The following CA7 variants were observed in gnomAD, a reference collection of about 807,000 sequenced individuals.
CA7 encodes carbonic anhydrase 7.
A neutral mutation model predicts 31.4 loss-of-function variants in CA7; 13 were observed. That is an observed-to-expected ratio of 0.41 (90% CI 0.27 to 0.66). CA7 has a LOEUF of 0.66. CA7 is among the 30% of genes least tolerant of loss of function. The probability of loss-of-function intolerance (pLI) is 0.28; values close to 1 mark genes in which losing one functional copy is unlikely to be tolerated. For synonymous variants in CA7, 128 were observed against 133.2 expected, an observed-to-expected ratio of 0.96 and a Z score of 0.27; for missense variants, 215 against 351.0, an observed-to-expected ratio of 0.61 and a Z score of 3.10.
At chr16:66,847,252 G>A (rs1380693941) in intron 2 of CA7, 25 bp downstream of exon 2, 1 of 1,610,100 alleles carries the variant, frequency 6.2e-7, no homozygotes, top group African/African-American at 1.3e-5. Context: ...CCAAAGCCTG[G>A]CACCTGGCCC....
chr16:66,844,870 C>T lies in CA7; in HGVS notation c.40+343C>T, dbSNP rs1006799561. ...GGCGTGCGCAGCGCGTGGGGGTGGC[C>T]CAGGGCAGCGGGGGGCGGGCGCCGC... On this transcript the variant is annotated intron_variant, in intron 1 of 6. Coordinates refer to ENST00000338437, the MANE Select transcript of CA7 (RefSeq NM_005182.3). The T allele has an allele frequency of 4.7e-6, 5 of 1,066,838 alleles. No homozygotes were observed. In the African/African-American group the frequency reaches 6.6e-5, roughly 14 times the overall value. The allele number at this position is 1,066,838 out of a possible 1,614,324, so 66.1% of individuals were successfully genotyped here. A position where few individuals can be genotyped will look rare whatever the true frequency, so the allele number is the denominator to read the frequency against.
Position 66,853,628 on chromosome 16 carries a change from T to C in CA7, c.*130T>C. 1 of 1,259,624 alleles carries C rather than the reference T, an allele frequency of 7.9e-7. No individual in the cohort carries two copies. Among genetic ancestry groups the C allele is most frequent in the South Asian group, 1.4e-5 (1 of 70,530 alleles). 78.0% of individuals were successfully genotyped at this position (1,259,624 alleles called of 1,614,324 possible). ...ACCCTCCTTCAGCCAGTTTGCTCCT[T>C]GGTCACCCTGGAGGCTTCTGGATGG... is the stretch of plus-strand genomic sequence containing the variant. On this transcript the variant is annotated 3_prime_UTR_variant, in exon 7 of 7. Coordinates refer to ENST00000338437, the MANE Select transcript of CA7 (RefSeq NM_005182.3). This position sits in a 1 kb window ranked among gnomAD's most constrained non-coding sequence, Gnocchi z 4.5.
Position 66,853,339 on chromosome 16 carries a change from C to G in CA7, c.673-37C>G. On this transcript the variant is annotated intron_variant, in intron 6 of 6. Transcript: ENST00000338437. This position sits in a 1 kb window ranked among gnomAD's most constrained non-coding sequence, Gnocchi z 4.5. ...TGGGGTCATAGAGGACCACAGCACC[C>G]CCAATCTGCCCTGAGCATTCCTTCT... 1 of 1,613,454 alleles carries G rather than the reference C, an allele frequency of 6.2e-7. No homozygotes were observed. Among genetic ancestry groups the G allele is most frequent in the Non-Finnish European group, 8.5e-7 (1 of 1,179,600 alleles).
chr16:66,852,597 G>A (rs1165993320), intron 5 of CA7, 115 bp from the exon 6 acceptor site: 4 of 390,134 alleles, frequency 1.0e-5, no homozygotes, highest in African/African-American at 4.7e-5. Flanking sequence ...AAAAAAAAAA[G>A]AAAAGAAAAG....
chr16:66,851,665 C>T lies in CA7; in HGVS notation c.455C>T (p.Thr152Ile). Residue 152 changes from threonine to isoleucine, a missense_variant and splice_region_variant, in exon 5 of 7, where the codon ACA (threonine) becomes ATA (isoleucine). Physicochemically the swap from Thr to Ile is moderately conservative, Grantham distance 89. Coordinates refer to ENST00000338437, the MANE Select transcript of CA7 (RefSeq NM_005182.3). Reference sequence around the variant, plus strand: ...CTCACACTGCCCTCTCCCTGACAGACAGGAGACGAGCACCCCAGCATGAAT... The same window carrying T: ...CTCACACTGCCCTCTCCCTGACAGATAGGAGACGAGCACCCCAGCATGAAT... ...GLAVVGVFLE[T>I]GDEHPSMNRL... 1 of 1,614,136 alleles carries T rather than the reference C, an allele frequency of 6.2e-7. No individual in the cohort carries two copies. Among genetic ancestry groups the T allele is most frequent in the Non-Finnish European group, 8.5e-7 (1 of 1,179,994 alleles).
rs527526578 is a variant in CA7, at chr16:66,847,487, T to C, written c.238+260T>C. Among the ~76,000 whole-genome samples the C allele has an allele frequency of 2.6e-5, 4 of 152,248 alleles. No homozygotes were observed. In the South Asian group the frequency reaches 8.3e-4, roughly 32 times the overall value. ...TGGCACACAGCAGATGCTCAGGAAA[T>C]GCTAATTTCTTTCCTTCCCTTCCTT... On this transcript the variant is annotated intron_variant, in intron 2 of 6. Transcript: ENST00000338437.
rs1309383927 is a variant in CA7, at chr16:66,852,832, G to T, written c.637G>T (p.Val213Leu). 1.2e-6 allele frequency: 2 copies of T among 1,613,650 alleles called. No homozygotes were observed. The highest frequency in any genetic ancestry group is 2.7e-5 in the African/African-American group (2 of 74,902). The part of the protein sequence containing the change: ...PPLSESVTWI[V>L]LREPICISER... ...ACTCAGTGAGAGTGTCACCTGGATT[G>T]TGCTCCGGGAGCCCATCTGCATCTC... Residue 213 changes from valine to leucine, a missense_variant, in exon 6 of 7, where the codon GTG (valine) becomes TTG (leucine). Transcript: ENST00000338437.
In CA7 at chr16:66,853,087, A is replaced by AC. The variant is rs1240543333; in HGVS notation, c.672+225dup. On this transcript the variant is annotated intron_variant, in intron 6 of 6. Transcript: ENST00000338437. This position sits in a 1 kb window ranked among gnomAD's most constrained non-coding sequence, Gnocchi z 4.5. ...GGAGCGGGGATACCTGGATCCTGGG[A>AC]CCCCCACCCCCGCTACTGTGTTGGA... Among the ~76,000 whole-genome samples the AC allele has an allele frequency of 6.6e-6, 1 of 151,976 alleles. No homozygotes were observed. The highest frequency in any genetic ancestry group is 2.4e-5 in the African/African-American group (1 of 41,340).
At chr16:66,846,206 T>C (rs544405231) in intron 1 of CA7, among the ~76,000 whole-genome samples, 1 of 150,508 alleles carries the variant, frequency 6.6e-6, no homozygotes, top group African/African-American at 2.5e-5. Flanking sequence ...TGTGTGTGCA[T>C]GGGCATGTGT....
In CA7 at chr16:66,847,145, C is replaced by A; in HGVS notation, c.156C>A (p.Ser52=). The change falls in exon 2 of 7, where the codon TCC becomes TCA. Residue 52 remains serine (S), a synonymous_variant. Transcript: ENST00000338437. ...YSPSLQPLEL[S]YEACMSLSIT... ...CCAGCCTGCAACCACTGGAGCTTTC[C>A]TATGAGGCCTGCATGTCCCTCAGCA... 1 of 1,614,194 alleles carries A rather than the reference C, an allele frequency of 6.2e-7. No homozygotes were observed. Among genetic ancestry groups the A allele is most frequent in the Non-Finnish European group, 8.5e-7 (1 of 1,180,020 alleles).
At chr16:66,847,266 GC>G (rs35351220) in intron 2 of CA7, 39 bp downstream of exon 2, 1 of 1,580,582 alleles carries the variant, frequency 6.3e-7, no homozygotes, top group South Asian at 1.1e-5. Flanking sequence ...CTGGCCCCTG[GC>G]CCCTTAGGGT....
chr16:66,851,388 G>A (rs1013487438), intron 3 of CA7, 75 bp from the exon 4 acceptor site: 2 of 1,184,432 alleles, frequency 1.7e-6, no homozygotes, highest in African/African-American at 3.0e-5. Context: ...GGTCTGGTGG[G>A]AGTGAGGGGA....
chr16:66,846,252 A>G (rs185002357), intron 1 of CA7, among the ~76,000 whole-genome samples: 19 of 152,020 alleles, frequency 1.2e-4, no homozygotes, highest in Non-Finnish European at 2.4e-4. Flanking sequence ...TGGGTCTCCA[A>G]CAGAGGGGTT....
intron 2 of CA7, among the ~76,000 whole-genome samples, chr16:66,849,987 G>T (rs547776076): frequency 3.3e-5 from 5 of 152,116 alleles, no homozygotes; most frequent in Non-Finnish European, 7.4e-5. Flanking sequence ...GGATGTGGTG[G>T]CAGGTGCCTG....
intron 2 of CA7, among the ~76,000 whole-genome samples, chr16:66,850,234 G>T (rs867926697): frequency 6.6e-6 from 1 of 151,914 alleles, no homozygotes; most frequent in Admixed American, 6.6e-5. Context: ...GAGCCCATGA[G>T]TTCAAGACCA....
In CA7 at chr16:66,853,182, C is replaced by T. The variant is rs1030239192; in HGVS notation, c.673-194C>T. Among the ~76,000 whole-genome samples, 3 of 152,090 alleles carry T rather than the reference C, an allele frequency of 2.0e-5. No homozygotes were observed. Among genetic ancestry groups the T allele is most frequent in the Admixed American group, 6.6e-5 (1 of 15,256 alleles). On this transcript the variant is annotated intron_variant, in intron 6 of 6. Transcript: ENST00000338437. The surrounding 1 kb of genome is among the most constrained non-coding windows in gnomAD (Gnocchi z 4.5). ...GGAACTAGAACTAGGTAAAGCAGAG[C>T]CCAGACCCTTTAGTGAGTAAATAAA...
intron 1 of CA7, among the ~76,000 whole-genome samples, chr16:66,846,416 C>G (rs1397547981): frequency 6.6e-6 from 1 of 152,142 alleles, no homozygotes; most frequent in Non-Finnish European, 1.5e-5. Context: ...TATGGACTTG[C>G]AGGCACACAC....
chr16:66,846,466 A>G (rs1960931343), intron 1 of CA7, among the ~76,000 whole-genome samples: 1 of 152,148 alleles, frequency 6.6e-6, no homozygotes, highest in African/African-American at 2.4e-5. Context: ...CACATGCTGT[A>G]TTTATATTAG....
At position 66,844,515 on chromosome 16, in the gene CA7, G is replaced by A. The variant is rs1323625274; in HGVS notation, c.28G>A (p.Gly10Ser). 6.5e-6 allele frequency: 10 copies of A among 1,543,556 alleles called. No homozygotes were observed. Among genetic ancestry groups the A allele is most frequent in the Non-Finnish European group, 8.7e-6 (10 of 1,144,372 alleles). MTGHHGWGYGQDDGPSHWHK... is the reference protein window; with the variant it reads MTGHHGWGYSQDDGPSHWHK... ...GACCGGCCACCACGGCTGGGGCTAC[G>A]GCCAGGACGACGGTAGGCACAGACC... Residue 10 changes from glycine (G) to serine (S), a missense_variant, in exon 1 of 7, where the codon GGC (glycine) becomes AGC (serine). Physicochemically the swap from Gly to Ser is moderately conservative, Grantham distance 56 (BLOSUM62 0). Transcript: ENST00000338437.
Sources: gnomAD v4.1 joint callset for allele counts (sites outside exome capture counted in the v4.1 genomes callset) on GRCh38, gnomAD v4.1.1 for gene constraint, Gnocchi (gnomAD v3.1) non-coding constraint, MANE v1.5 for transcripts, NCBI Gene and HGNC (gene_info 2026-07-23, HGNC 2026-07-21) for gene names.